The following RET variants were observed in gnomAD, a reference collection of about 807,000 sequenced individuals.
RET encodes the protein proto-oncogene tyrosine-protein kinase receptor Ret.
A neutral mutation model predicts 118.3 loss-of-function variants in RET; 19 were observed. The observed-to-expected ratio is 0.16, with a 90% CI of 0.11 to 0.24. The LOEUF (loss-of-function observed/expected upper bound fraction) is 0.24. Ranked by LOEUF, RET falls within the 10% of genes least tolerant of loss-of-function variation. The pLI, the probability that RET is intolerant of heterozygous loss-of-function variation, is 1.00. For missense variants in RET, 1,219 were observed against 1,502.1 expected, an observed-to-expected ratio of 0.81 and a Z score of 3.12; for synonymous variants, 597 against 644.1, an observed-to-expected ratio of 0.93 and a Z score of 1.11.
Position 43,120,101 on chromosome 10 carries a change from A to G in RET, c.2628A>G (p.Ala876=), listed in dbSNP as rs1322978575. The G allele has an allele frequency of 1.9e-6, 3 of 1,614,028 alleles. No individual in the cohort carries two copies. The highest frequency in any genetic ancestry group is 1.7e-5 in the Admixed American group (1 of 60,002). Residue 876 remains alanine, a synonymous_variant, in exon 15 of 20, where the codon GCA becomes GCG. Transcript: ENST00000355710. ...CACAGCTCGTTCATCGGGACTTGGC[A>G]GCCAGAAACATCCTGGTAGCTGAGG... ...AEMKLVHRDL[A]ARNILVAEGR... is the part of the protein sequence containing the mutation.
chr10:43,100,143 C>A (rs1048198016), intron 1 of RET, among the ~76,000 whole-genome samples: 1 of 152,220 alleles, frequency 6.6e-6, no homozygotes, highest in South Asian at 2.1e-4. Flanking sequence ...GCAGTGTCTC[C>A]TGCCCTTGAA....
intron 1 of RET, among the ~76,000 whole-genome samples, chr10:43,097,141 C>T (rs528011471): frequency 1.3e-5 from 2 of 152,346 alleles, no homozygotes; most frequent in Non-Finnish European, 2.9e-5. Context: ...CTCCCCTGCA[C>T]ATGTGGGCTT....
chr10:43,113,767 T>C, intron 10 of RET, 92 bp downstream of exon 10: 1 of 1,554,612 alleles, frequency 6.4e-7, no homozygotes, highest in Non-Finnish European at 8.7e-7. Context: ...AGGAAATTGC[T>C]GGGAGGCGAG....
chr10:43,119,038 G>A (rs1300349939), intron 13 of RET, among the ~76,000 whole-genome samples: 1 of 152,208 alleles, frequency 6.6e-6, no homozygotes, highest in East Asian at 1.9e-4. Context: ...CCAAACACCG[G>A]GAGTGCGCAG....
chr10:43,127,641 A>T, intron 19 of RET: 3 of 314,390 alleles, frequency 9.5e-6, no homozygotes, highest in Non-Finnish European at 1.6e-5. Context: ...GCCACACTCC[A>T]TTTGTGCTGA....
intron 4 of RET, among the ~76,000 whole-genome samples, chr10:43,105,877 T>TC (rs34834343): frequency 0.76 from 116,116 of 152,092 alleles, 44,955 homozygotes; most frequent in African/African-American, 0.87. Flanking sequence ...GGCAGAGCCA[T>TC]CCAGGTGCCC....
rs60545334 is a variant in RET, at chr10:43,091,822, CAAAA to C, written c.74-8619_74-8616del. Among the ~76,000 whole-genome samples, 38 of 114,580 alleles carry C rather than the reference CAAAA, an allele frequency of 3.3e-4. No individual in the cohort carries two copies. The South Asian group carries it at 7.0e-3, about 21-fold the overall frequency. 75.2% of individuals were successfully genotyped at this position (114,580 alleles called of 152,430 possible). On this transcript the variant is annotated intron_variant, in intron 1 of 19. Transcript: ENST00000355710. The stretch of plus-strand genomic sequence containing the variant: ...TCACACCCATTTGGATGTCTACTAT[CAAAA>C]AAAAAAAAAAAAAAAAAGAACCAGT...
chr10:43,121,143 C>G (rs1838209172), intron 15 of RET, among the ~76,000 whole-genome samples: 1 of 152,142 alleles, frequency 6.6e-6, no homozygotes, highest in African/African-American at 2.4e-5. Context: ...ACAGAGCCTT[C>G]CTGTTGATGC....
chr10:43,107,958 G>A, intron 5 of RET, among the ~76,000 whole-genome samples: 1 of 152,128 alleles, frequency 6.6e-6, no homozygotes, highest in East Asian at 1.9e-4. Flanking sequence ...GAATGTTAAG[G>A]AGGCCTGCTA....
At chr10:43,126,460 T>G (rs1838330154) in intron 18 of RET, 115 bp from the exon 19 acceptor site, 1 of 940,402 alleles carries the variant, frequency 1.1e-6, no homozygotes, top group Admixed American at 1.7e-5. Flanking sequence ...GTCAGGAGAT[T>G]GGTGCGAGGT....
Position 43,124,531 on chromosome 10 carries a change from G to A in RET, c.2940-352G>A, listed in dbSNP as rs981004064. Among the ~76,000 whole-genome samples, 4 of 152,238 alleles carry A rather than the reference G, an allele frequency of 2.6e-5. No individual in the cohort carries two copies. The East Asian group carries it at 7.7e-4, about 29-fold the overall frequency. ...ATTCTTCTTGAGAGTTTTAAGGACT[G>A]GCACTTCTCACTTAGCTGCCAGAGC... On this transcript the variant is annotated intron_variant, in intron 17 of 19. Coordinates refer to ENST00000355710, the MANE Select transcript of RET (RefSeq NM_020975.6).
chr10:43,093,346 A>G (rs527303879), intron 1 of RET, among the ~76,000 whole-genome samples: 5 of 151,900 alleles, frequency 3.3e-5, no homozygotes, highest in African/African-American at 9.7e-5. Context: ...GAGGGGTGAA[A>G]GAGAAAGGGA....
chr10:43,080,160 A>G (rs1402141072), intron 1 of RET, among the ~76,000 whole-genome samples: 1 of 152,224 alleles, frequency 6.6e-6, no homozygotes, highest in Non-Finnish European at 1.5e-5. Flanking sequence ...GCGGGGAGCT[A>G]ATAGCCTTTT....
rs1838384738 is a variant in RET, at chr10:43,128,639, T to C, written c.*370T>C. 1 of 401,834 alleles carries C rather than the reference T, an allele frequency of 2.5e-6. No homozygotes were observed. The highest frequency in any genetic ancestry group is 4.6e-6 in the Non-Finnish European group (1 of 215,280). The allele number at this position is 401,834 out of a possible 1,614,324, so 24.9% of individuals were successfully genotyped here. ...GTGTATGAAATTGGACCTGAACTGT[T>C]GGATTTTTCTAGTTGCCGCCAAACA... On this transcript the variant is annotated 3_prime_UTR_variant, in exon 20 of 20. Coordinates refer to ENST00000355710, the MANE Select transcript of RET (RefSeq NM_020975.6).
At chr10:43,112,496 C>T (rs1008705191) in intron 8 of RET, among the ~76,000 whole-genome samples, 3 of 152,148 alleles carry the variant, frequency 2.0e-5, no homozygotes, top group African/African-American at 7.2e-5. Flanking sequence ...GACAGAATGG[C>T]GTTTTTCTGG....
At position 43,129,202 on chromosome 10, in the gene RET, C is replaced by T. The variant is rs983486610; in HGVS notation, c.*933C>T. The T allele has an allele frequency of 4.3e-6, 1 of 233,520 alleles. No homozygotes were observed. The highest frequency in any genetic ancestry group is 8.5e-6 in the Non-Finnish European group (1 of 118,054). 14.5% of individuals were successfully genotyped at this position (233,520 alleles called of 1,614,324 possible). ...AGCCAAGTAGAGGCGAAAGCAGTGGCTCATCCTACCTGTTAGGAGCAGGTA... is the reference window on the plus strand; with the variant it reads ...AGCCAAGTAGAGGCGAAAGCAGTGGTTCATCCTACCTGTTAGGAGCAGGTA... On this transcript the variant is annotated 3_prime_UTR_variant, in exon 20 of 20. Coordinates refer to ENST00000355710, the MANE Select transcript of RET (RefSeq NM_020975.6).
intron 2 of RET, among the ~76,000 whole-genome samples, chr10:43,102,097 A>G (rs1275922036): frequency 6.6e-6 from 1 of 152,212 alleles, no homozygotes; most frequent in Admixed American, 6.5e-5. Context: ...CACCTCCCTG[A>G]GGAAGGGGCC....
At chr10:43,102,284 T>C in intron 2 of RET, 58 bp from the exon 3 acceptor site, 2 of 1,605,150 alleles carry the variant, frequency 1.2e-6, no homozygotes, top group South Asian at 2.2e-5. Context: ...CTCCTCCCCA[T>C]TCCCGACTGC....
intron 4 of RET, among the ~76,000 whole-genome samples, chr10:43,105,843 TG>T (rs1462220685): frequency 1.7e-4 from 25 of 151,010 alleles, no homozygotes; most frequent in African/African-American, 2.7e-4. Context: ...TGGGCCTCCC[TG>T]GGGTGACAGC....
Sources: allele counts gnomAD v4.1 joint callset (sites outside exome capture counted in the v4.1 genomes callset), GRCh38; gene constraint gnomAD v4.1.1; transcripts MANE v1.5; gene names NCBI Gene and HGNC (gene_info 2026-07-23, HGNC 2026-07-21).